PCDH15: variants seen among roughly 807,000 people sequenced by gnomAD.
The protein encoded by PCDH15 is protocadherin-15.
In PCDH15, 129 loss-of-function variants were observed where a neutral mutation model predicts 178.5. That is an observed-to-expected ratio of 0.72 (90% CI 0.63 to 0.84). The LOEUF (loss-of-function observed/expected upper bound fraction) is 0.84. PCDH15 is among the 40% of genes least tolerant of loss of function. PCDH15 has a pLI of 0.00. For missense variants in PCDH15, 2,230 were observed against 2,099.9 expected (o/e 1.06, Z -1.21); for synonymous variants, 800 against 732.0 (o/e 1.09, Z -1.50).
chr10:55,411,719 G>T (rs1357790898), intron 2 of PCDH15, among the ~76,000 whole-genome samples: 1 of 152,090 alleles, frequency 6.6e-6, no homozygotes, highest in Non-Finnish European at 1.5e-5. Flanking sequence ...GTGTAAGTCA[G>T]ATGTAACTGA....
chr10:54,955,614 C>A lies in PCDH15; in HGVS notation c.-79-58114G>T, dbSNP rs571040075. Among the ~76,000 whole-genome samples, 5 of 151,424 alleles carry A rather than the reference C, an allele frequency of 3.3e-5. 1 individual carries two copies. In the South Asian group the frequency reaches 1.0e-3, roughly 31 times the overall value. On this transcript the variant is annotated intron_variant, in intron 2 of 5. Transcript: ENST00000458638. ...TGTTTATAGAATAAGTACTAATATT[C>A]ATAAAATCAATTTGATTTTCTTCTT...
chr10:55,336,584 C>T (rs1844403135), intron 2 of PCDH15, among the ~76,000 whole-genome samples: 1 of 152,118 alleles, frequency 6.6e-6, no homozygotes, highest in Admixed American at 6.6e-5. Context: ...GAGGGTCTGT[C>T]CTATCCTAAA....
intron 13 of PCDH15, among the ~76,000 whole-genome samples, chr10:54,175,751 C>T (rs557710779): frequency 6.6e-6 from 1 of 152,130 alleles, no homozygotes; most frequent in African/African-American, 2.4e-5. Flanking sequence ...TTAAAACCCT[C>T]GTTAATTTGG....
intron 25 of PCDH15, among the ~76,000 whole-genome samples, chr10:53,922,274 GT>G (rs2084061917): frequency 5.3e-5 from 8 of 151,848 alleles, no homozygotes; most frequent in Admixed American, 5.3e-4. Context: ...ATAATTTTGT[GT>G]GGTTCGAACA....
chr10:54,064,566 T>G (rs1036265222), intron 18 of PCDH15, among the ~76,000 whole-genome samples: 1 of 152,072 alleles, frequency 6.6e-6, no homozygotes. Flanking sequence ...TGAGGAGAAG[T>G]GCCTGCAGGC....
At chr10:53,823,500 C>A in intron 32 of PCDH15, 1 of 853,750 alleles carries the variant, frequency 1.2e-6, no homozygotes, top group Non-Finnish European at 2.0e-6. Flanking sequence ...TAAAGCAAGA[C>A]ATTATTTTAA....
upstream of PCDH15, among the ~76,000 whole-genome samples, chr10:54,804,402 C>T (rs538508451): frequency 7.9e-5 from 12 of 152,238 alleles, no homozygotes; most frequent in East Asian, 3.9e-4. Flanking sequence ...TGCATTCAAA[C>T]ATGTCCATAT....
At chr10:54,617,977 A>G (rs142494231) in intron 2 of PCDH15, among the ~76,000 whole-genome samples, 1 of 151,928 alleles carries the variant, frequency 6.6e-6, no homozygotes, top group East Asian at 1.9e-4. Context: ...AGAGGAGGAT[A>G]TAGAATGGAA....
At chr10:54,302,997 C>A (rs2060235405) in intron 8 of PCDH15, among the ~76,000 whole-genome samples, 1 of 152,092 alleles carries the variant, frequency 6.6e-6, no homozygotes, top group Non-Finnish European at 1.5e-5. Flanking sequence ...ACTTCCTTTA[C>A]AAAACTTAGC....
At chr10:55,226,214 C>A (rs1841034708) in intron 1 of PCDH15, among the ~76,000 whole-genome samples, 1 of 152,000 alleles carries the variant, frequency 6.6e-6, no homozygotes, top group Non-Finnish European at 1.5e-5. Flanking sequence ...ACCAAAACTT[C>A]TAGCATATGA....
intron 4 of PCDH15, among the ~76,000 whole-genome samples, chr10:54,375,848 AATAT>A (rs1452802439): frequency 7.6e-6 from 1 of 131,726 alleles, no homozygotes; most frequent in Admixed American, 7.4e-5. Flanking sequence ...ATATATATAT[AATAT>A]ATAAATAAAA....
In PCDH15 at chr10:55,539,012, T is replaced by G. The variant is rs1201162269; in HGVS notation, c.-156+88613A>C. Reference sequence around the variant, plus strand: ...CCTTCCTCCTTTCCTTCCCTCCTCCTTTCCTTCCTTCCTTCCTTGCGTCCT... The same window carrying G: ...CCTTCCTCCTTTCCTTCCCTCCTCCGTTCCTTCCTTCCTTCCTTGCGTCCT... On this transcript the variant is annotated intron_variant, in intron 2 of 5. Coordinates refer to the PCDH15 transcript ENST00000613346. Among the ~76,000 whole-genome samples, 4 of 135,512 alleles carry G rather than the reference T, an allele frequency of 3.0e-5. No homozygotes were observed. The Admixed American group carries it at 3.0e-4, about 10-fold the overall frequency. The allele number at this position is 135,512 out of a possible 152,430, so 88.9% of individuals were successfully genotyped here. A position where few individuals can be genotyped will look rare whatever the true frequency, so the allele number is the denominator to read the frequency against.
At chr10:54,429,679 G>T (rs1214933328) in intron 3 of PCDH15, among the ~76,000 whole-genome samples, 1 of 152,086 alleles carries the variant, frequency 6.6e-6, no homozygotes, top group South Asian at 2.1e-4. Flanking sequence ...AAGAGCAGGA[G>T]TATCTATACT....
chr10:54,067,586 T>C (rs1018907322), intron 17 of PCDH15, among the ~76,000 whole-genome samples: 8 of 152,114 alleles, frequency 5.3e-5, no homozygotes, highest in Non-Finnish European at 1.0e-4. Flanking sequence ...TCATAAGTGA[T>C]TCAAGCTGGA....
intron 3 of PCDH15, among the ~76,000 whole-genome samples, chr10:54,524,230 T>C (rs1381971385): frequency 6.6e-6 from 1 of 152,230 alleles, no homozygotes; most frequent in Non-Finnish European, 1.5e-5. Context: ...CCAAATTTAC[T>C]GAGAGTGTAC....
In PCDH15 at chr10:55,609,953, A is replaced by C. The variant is rs150023176; in HGVS notation, c.-156+17672T>G. ...GTCATAATAAGGAGCAAACTGTCAT[A>C]ATAAGGAGAAAAAATTGAAACTATT... is the stretch of plus-strand genomic sequence containing the variant. On this transcript the variant is annotated intron_variant, in intron 2 of 5. Transcript: ENST00000613346. 1.3e-4 allele frequency among the ~76,000 whole-genome samples: 20 copies of C among 152,286 alleles called. No individual in the cohort carries two copies. The East Asian group carries it at 2.1e-3, about 16-fold the overall frequency.
intron 4 of PCDH15, among the ~76,000 whole-genome samples, chr10:54,376,451 T>C (rs1173061049): frequency 6.6e-6 from 1 of 150,808 alleles, no homozygotes; most frequent in Non-Finnish European, 1.5e-5. Context: ...CATATATGAA[T>C]ATCATAGTAT....
chr10:55,275,440 G>A (rs1842565398), intron 1 of PCDH15, among the ~76,000 whole-genome samples: 1 of 151,720 alleles, frequency 6.6e-6, no homozygotes, highest in Admixed American at 6.6e-5. Context: ...TTCTTCTATA[G>A]TGTCTTCTCG....
chr10:54,995,005 C>A (rs995868666), intron 2 of PCDH15, among the ~76,000 whole-genome samples: 2 of 152,028 alleles, frequency 1.3e-5, no homozygotes, highest in Non-Finnish European at 2.9e-5. Context: ...TCTTTAATGA[C>A]TAAACATCTA....
Sources: allele counts gnomAD v4.1 joint callset (sites outside exome capture counted in the v4.1 genomes callset), GRCh38; gene constraint gnomAD v4.1.1; transcripts MANE v1.5; gene names NCBI Gene and HGNC (gene_info 2026-07-23, HGNC 2026-07-21).